Variants in ASTN1 observed in about 807,000 individuals in gnomAD.
The protein encoded by ASTN1 is astrotactin-1.
A neutral mutation model predicts 140.7 loss-of-function variants in ASTN1; 41 were observed. The observed-to-expected ratio is 0.29, with a 90% CI of 0.23 to 0.38. The LOEUF (loss-of-function observed/expected upper bound fraction) is 0.38, where lower values mean the gene tolerates loss of function less well. Ranked by LOEUF, ASTN1 falls within the 10% of genes least tolerant of loss-of-function variation. ASTN1 has a pLI of 1.00. For missense variants in ASTN1, 1,479 were observed against 1,678.8 expected (o/e 0.88, Z 2.08); for synonymous variants, 640 against 652.2 (o/e 0.98, Z 0.29).
At chr1:177,038,183 T>C (rs561217668) in intron 2 of ASTN1, among the ~76,000 whole-genome samples, 1 of 152,326 alleles carries the variant, frequency 6.6e-6, no homozygotes, top group African/African-American at 2.4e-5. Context: ...TTCAGCTAAC[T>C]CCTACTCATC....
At chr1:177,142,785 A>G (rs1682530560) in intron 1 of ASTN1, among the ~76,000 whole-genome samples, 1 of 152,064 alleles carries the variant, frequency 6.6e-6, no homozygotes, top group Non-Finnish European at 1.5e-5. Context: ...CCTGATTTCT[A>G]TAAGGACAAT....
At chr1:177,145,033 T>C (rs1289009273) in intron 1 of ASTN1, among the ~76,000 whole-genome samples, 2 of 152,200 alleles carry the variant, frequency 1.3e-5, no homozygotes, top group Non-Finnish European at 2.9e-5. Flanking sequence ...TTTAAGTCTC[T>C]GAGTTTCTTA....
intron 8 of ASTN1, among the ~76,000 whole-genome samples, chr1:177,007,271 A>G (rs1675046293): frequency 6.6e-6 from 1 of 152,142 alleles, no homozygotes; most frequent in African/African-American, 2.4e-5. Context: ...CACATGCCTT[A>G]ATCTCAGCTA....
chr1:177,074,304 C>A (rs1678785415), intron 1 of ASTN1, among the ~76,000 whole-genome samples: 1 of 152,156 alleles, frequency 6.6e-6, no homozygotes, highest in African/African-American at 2.4e-5. Context: ...TCATCTATAT[C>A]ATTTATAAAG....
intron 8 of ASTN1, among the ~76,000 whole-genome samples, chr1:176,986,678 G>A (rs1673922262): frequency 6.6e-6 from 1 of 152,020 alleles, no homozygotes; most frequent in African/African-American, 2.4e-5. Flanking sequence ...GCCTGAATTT[G>A]ACACTTATGA....
intron 1 of ASTN1, among the ~76,000 whole-genome samples, chr1:177,108,647 C>A (rs1215092165): frequency 6.6e-6 from 1 of 152,094 alleles, no homozygotes; most frequent in Non-Finnish European, 1.5e-5. Context: ...TTGCTTCCAC[C>A]TTTTGGTTAT....
chr1:176,870,410 G>C (rs1668290928), intron 21 of ASTN1, among the ~76,000 whole-genome samples: 1 of 152,176 alleles, frequency 6.6e-6, no homozygotes, highest in African/African-American at 2.4e-5. Context: ...TCCAGAGTTG[G>C]AATGAATAAA....
chr1:177,087,836 C>T (rs572107667), intron 1 of ASTN1, among the ~76,000 whole-genome samples: 6 of 152,186 alleles, frequency 3.9e-5, no homozygotes, highest in Non-Finnish European at 7.3e-5. Context: ...CCCGCTGCTG[C>T]TGTTAGATGC....
intron 1 of ASTN1, among the ~76,000 whole-genome samples, chr1:177,074,723 G>T (rs374922831): frequency 1.8e-4 from 28 of 152,294 alleles, no homozygotes; most frequent in South Asian, 6.2e-4. Flanking sequence ...CATGATGCAC[G>T]TATGTGTTTT....
chr1:176,892,862 A>G (rs145981089), intron 17 of ASTN1, among the ~76,000 whole-genome samples: 13 of 152,336 alleles, frequency 8.5e-5, no homozygotes, highest in African/African-American at 2.9e-4. Context: ...GCGGATGGCA[A>G]AGACAAAATA....
rs1332538796 is a variant in ASTN1 at position 177,000,710 on chromosome 1, G to A, written c.1523+14081C>T. 3.3e-5 allele frequency among the ~76,000 whole-genome samples: 5 copies of A among 152,304 alleles called. No homozygotes were observed. In the East Asian group the frequency reaches 9.6e-4, roughly 29 times the overall value. ...AAAGGACGGAGCTGACCAAACAAAT[G>A]CAAGTTACAGGAAAACATATTTTTG... On this transcript the variant is annotated intron_variant, in intron 8 of 22. Coordinates refer to ENST00000361833, the MANE Select transcript of ASTN1 (RefSeq NM_004319.3).
rs71129589 is a variant in ASTN1 at position 176,922,556 on chromosome 1, C to CAAAAAAAAAAAAAAAAAAAAAAAAA, written c.2671+11571_2671+11595dup. ...ACAGTGTCCACTCCAGCCCCCACTG[C>CAAAAAAAAAAAAAAAAAAAAAAAAA]AAAAAAAAAAAAAAAAAAAAAAAAA... On this transcript the variant is annotated intron_variant, in intron 16 of 22. Transcript: ENST00000361833. Among the ~76,000 whole-genome samples, 16 of 77,588 alleles carry CAAAAAAAAAAAAAAAAAAAAAAAAA rather than the reference C, an allele frequency of 2.1e-4. 2 individuals are homozygous for CAAAAAAAAAAAAAAAAAAAAAAAAA. Among genetic ancestry groups the CAAAAAAAAAAAAAAAAAAAAAAAAA allele is most frequent in the African/African-American group, 8.1e-4 (16 of 19,828 alleles). The allele number at this position is 77,588 out of a possible 152,430, so 50.9% of individuals were successfully genotyped here.
Position 177,156,279 on chromosome 1 carries a change from A to C in ASTN1, c.283+8115T>G, listed in dbSNP as rs554681845. On this transcript the variant is annotated intron_variant, in intron 1 of 22. Coordinates refer to ENST00000361833, the MANE Select transcript of ASTN1 (RefSeq NM_004319.3). ...GGTGAGACTCCGTCTCAAAAAAAAAAAAAACAAAAAACCCAACAACACCAT... is the reference window on the plus strand; with the variant it reads ...GGTGAGACTCCGTCTCAAAAAAAAACAAAACAAAAAACCCAACAACACCAT... Among the ~76,000 whole-genome samples, 50 of 152,080 alleles carry C rather than the reference A, an allele frequency of 3.3e-4. 1 individual carries two copies. The highest frequency in any genetic ancestry group is 1.1e-3 in the African/African-American group (46 of 41,482).
At position 177,128,111 on chromosome 1, in the gene ASTN1, T is replaced by G. The variant is rs554506267; in HGVS notation, c.283+36283A>C. Among the ~76,000 whole-genome samples the G allele has an allele frequency of 2.6e-5, 4 of 152,314 alleles. No individual in the cohort carries two copies. The South Asian group carries it at 6.2e-4, about 24-fold the overall frequency. On this transcript the variant is annotated intron_variant, in intron 1 of 22. Coordinates refer to ENST00000361833, the MANE Select transcript of ASTN1 (RefSeq NM_004319.3). ...ACCCTGTATAGGAATTTAAAGGTTA[T>G]TCACATAATTTTCTGTCTTTAGATG...
chr1:177,164,615 G>T lies in ASTN1; in HGVS notation c.62C>A (p.Ala21Asp). The T allele has an allele frequency of 6.2e-7, 1 of 1,609,476 alleles. No homozygotes were observed. The highest frequency in any genetic ancestry group is 8.5e-7 in the Non-Finnish European group (1 of 1,178,068). ...ACCWGPAAVLATAAGDVDPSK... is the reference protein window; with the variant it reads ...ACCWGPAAVLDTAAGDVDPSK... ...TGGATCCACGTCGCCGGCGGCCGTG[G>T]CCAGCACCGCCGCCGGCCCCCAGCA... The change falls in exon 1 of 23, where the codon GCC becomes GAC. Residue 21 changes from alanine to aspartate, a missense_variant. By Grantham distance (126) the Ala-to-Asp change is moderately radical (BLOSUM62 -2). Transcript: ENST00000361833.
At chr1:177,125,607 G>A (rs1380957334) in intron 1 of ASTN1, among the ~76,000 whole-genome samples, 1 of 152,110 alleles carries the variant, frequency 6.6e-6, no homozygotes, top group Non-Finnish European at 1.5e-5. Flanking sequence ...GATAAAAATA[G>A]GTATATAAAA....
At chr1:177,056,562 C>CAT (rs146444597) in intron 2 of ASTN1, among the ~76,000 whole-genome samples, 7,539 of 135,976 alleles carry the variant, frequency 0.055, 272 homozygotes, top group African/African-American at 0.11. Flanking sequence ...AGAAAAATTT[C>CAT]ATATATATAT....
intron 1 of ASTN1, among the ~76,000 whole-genome samples, chr1:177,126,431 A>G (rs946584677): frequency 6.6e-6 from 1 of 152,228 alleles, no homozygotes; most frequent in East Asian, 1.9e-4. Context: ...AGATCAAATG[A>G]AATGCGATAC....
intron 2 of ASTN1, among the ~76,000 whole-genome samples, chr1:177,050,280 T>C (rs550147938): frequency 1.2e-4 from 19 of 152,302 alleles, no homozygotes; most frequent in African/African-American, 4.6e-4. Flanking sequence ...ATCTTCTTTA[T>C]GGTATTAGGG....
Sources: gnomAD v4.1 joint callset for allele counts (sites outside exome capture counted in the v4.1 genomes callset) on GRCh38, gnomAD v4.1.1 for gene constraint, MANE v1.5 for transcripts, NCBI Gene and HGNC (gene_info 2026-07-23, HGNC 2026-07-21) for gene names.